Variants in KCNJ8 observed in about 807,000 individuals in gnomAD.
The protein encoded by KCNJ8 is ATP-sensitive inward rectifier potassium channel 8.
A neutral mutation model predicts 28.2 loss-of-function variants in KCNJ8; 13 were observed. The observed-to-expected ratio is 0.46, with a 90% CI of 0.30 to 0.73. KCNJ8 has a LOEUF of 0.73. Ranked by LOEUF, KCNJ8 falls within the 30% of genes least tolerant of loss-of-function variation. The pLI is 0.07. For synonymous variants in KCNJ8, 188 were observed against 195.9 expected (o/e 0.96, Z 0.34); for missense variants, 284 against 542.6 (o/e 0.52, Z 4.73).
At chr12:21,769,896 C>G (rs1012597081) in intron 2 of KCNJ8, among the ~76,000 whole-genome samples, 1 of 152,150 alleles carries the variant, frequency 6.6e-6, no homozygotes, top group African/African-American at 2.4e-5. Flanking sequence ...AAAGTGGTTT[C>G]TTGAGATGGA....
At chr12:21,771,829 T>A (rs1940762803) in intron 2 of KCNJ8, among the ~76,000 whole-genome samples, 1 of 152,202 alleles carries the variant, frequency 6.6e-6, no homozygotes, top group Non-Finnish European at 1.5e-5. Context: ...GATAATGATA[T>A]TTGATCTTAG....
At position 21,773,091 on chromosome 12, in the gene KCNJ8, G is replaced by A. The variant is rs1482535421; in HGVS notation, c.374+152C>T. On this transcript the variant is annotated intron_variant, in intron 2 of 2. Coordinates refer to ENST00000240662, the MANE Select transcript of KCNJ8 (RefSeq NM_004982.4). The surrounding 1 kb of genome is among the most constrained non-coding windows in gnomAD (Gnocchi z 4.6). ...TTAAAAAATACTTACTGTGTTAGGT[G>A]TTGTTCTTTATTGTGCTTTTTTGTT... is the stretch of plus-strand genomic sequence containing the variant. 1.9e-4 allele frequency: 168 copies of A among 869,748 alleles called. 1 individual carries two copies. 53.9% of individuals were successfully genotyped at this position (869,748 alleles called of 1,614,324 possible).
chr12:21,770,341 T>C (rs1358739993), intron 2 of KCNJ8, among the ~76,000 whole-genome samples: 1 of 152,192 alleles, frequency 6.6e-6, no homozygotes, highest in Non-Finnish European at 1.5e-5. Context: ...ACACACTTAC[T>C]AGATTACAAT....
In KCNJ8 at chr12:21,773,155, A is replaced by G. The variant is rs1940800009; in HGVS notation, c.374+88T>C. 6.9e-6 allele frequency: 10 copies of G among 1,452,680 alleles called. No individual in the cohort carries two copies. The highest frequency in any genetic ancestry group is 1.1e-5 in the South Asian group (1 of 87,104). 90.0% of individuals were successfully genotyped at this position (1,452,680 alleles called of 1,614,324 possible). On this transcript the variant is annotated intron_variant, in intron 2 of 2. Coordinates refer to ENST00000240662, the MANE Select transcript of KCNJ8 (RefSeq NM_004982.4). This position sits in a 1 kb window ranked among gnomAD's most constrained non-coding sequence, Gnocchi z 4.6. ...AAACAAACCCTTTATTTCACTTTCA[A>G]TTAAATAACAGAATGATAAGAGAAA...
At chr12:21,770,073 T>C (rs1940722853) in intron 2 of KCNJ8, among the ~76,000 whole-genome samples, 1 of 152,202 alleles carries the variant, frequency 6.6e-6, no homozygotes, top group African/African-American at 2.4e-5. Flanking sequence ...CATCACACAT[T>C]ACAGATAAAT....
chr12:21,765,705 C>T lies in KCNJ8; in HGVS notation c.*18G>A, dbSNP rs1565658551. The stretch of plus-strand genomic sequence containing the variant: ...CCGTCAAAACTTGATAAAAGACTGT[C>T]TTGGGGTTATCTTGCTGTCATGATT... On this transcript the variant is annotated 3_prime_UTR_variant, in exon 3 of 3. Coordinates refer to ENST00000240662, the MANE Select transcript of KCNJ8 (RefSeq NM_004982.4). 2 of 1,611,948 alleles carry T rather than the reference C, an allele frequency of 1.2e-6. No homozygotes were observed. Among genetic ancestry groups the T allele is most frequent in the Admixed American group, 1.7e-5 (1 of 60,016 alleles).
chr12:21,773,652 C>G lies in KCNJ8; in HGVS notation c.-36G>C, dbSNP rs1414405805. The G allele has an allele frequency of 6.2e-7, 1 of 1,607,796 alleles. No individual in the cohort carries two copies. The highest frequency in any genetic ancestry group is 8.5e-7 in the Non-Finnish European group (1 of 1,179,942). On this transcript the variant is annotated 5_prime_UTR_variant, in exon 2 of 3. Transcript: ENST00000240662. The surrounding 1 kb of genome is among the most constrained non-coding windows in gnomAD (Gnocchi z 4.6). ...CCATAGCCAGCTTAGCCACCTCCCT[C>G]TCACCTGCCTCTCCGTCCCTGGACA...
rs751846149 is a variant in KCNJ8 at position 21,773,641 on chromosome 12, G to A, written c.-25C>T. 1 of 1,609,582 alleles carries A rather than the reference G, an allele frequency of 6.2e-7. No individual in the cohort carries two copies. Among genetic ancestry groups the A allele is most frequent in the East Asian group, 2.2e-5 (1 of 44,882 alleles). On this transcript the variant is annotated 5_prime_UTR_variant, in exon 2 of 3. Transcript: ENST00000240662. The surrounding 1 kb of genome is among the most constrained non-coding windows in gnomAD (Gnocchi z 4.6). ...TCGTCCTGTCACCATAGCCAGCTTA[G>A]CCACCTCCCTCTCACCTGCCTCTCC...
chr12:21,773,661 C>T lies in KCNJ8; in HGVS notation c.-45G>A, dbSNP rs779412476. ...GCTTAGCCACCTCCCTCTCACCTGC[C>T]TCTCCGTCCCTGGACACCCGTCCTC... On this transcript the variant is annotated 5_prime_UTR_variant, in exon 2 of 3. Transcript: ENST00000240662. The surrounding 1 kb of genome is among the most constrained non-coding windows in gnomAD (Gnocchi z 4.6). 1 of 1,606,156 alleles carries T rather than the reference C, an allele frequency of 6.2e-7. No individual in the cohort carries two copies. The highest frequency in any genetic ancestry group is 8.5e-7 in the Non-Finnish European group (1 of 1,179,864).
At chr12:21,770,737 CACA>C (rs1263191513) in intron 2 of KCNJ8, among the ~76,000 whole-genome samples, 1 of 152,216 alleles carries the variant, frequency 6.6e-6, no homozygotes, top group Non-Finnish European at 1.5e-5. Flanking sequence ...CACTTAATTT[CACA>C]ACAAGTACTG....
At chr12:21,770,116 A>G (rs368817729) in intron 2 of KCNJ8, among the ~76,000 whole-genome samples, 2 of 152,304 alleles carry the variant, frequency 1.3e-5, no homozygotes, top group African/African-American at 4.8e-5. Context: ...TTGTTGCAGC[A>G]AACTCTTCAT....
At position 21,765,478 on chromosome 12, in the gene KCNJ8, C is replaced by G; in HGVS notation, c.*245G>C. The G allele has an allele frequency of 1.8e-6, 1 of 547,100 alleles. No individual in the cohort carries two copies. Among genetic ancestry groups the G allele is most frequent in the Non-Finnish European group, 3.3e-6 (1 of 304,310 alleles). 33.9% of individuals were successfully genotyped at this position (547,100 alleles called of 1,614,324 possible). On this transcript the variant is annotated 3_prime_UTR_variant, in exon 3 of 3. Transcript: ENST00000240662. ...TTGAGAGAAACGAGCATACCCACCC[C>G]TGCACATAACTTAAGTATATCACTG...
Position 21,773,693 on chromosome 12 carries a change from G to A in KCNJ8, c.-70-7C>T. 3.8e-6 allele frequency: 6 copies of A among 1,590,694 alleles called. No homozygotes were observed. Among genetic ancestry groups the A allele is most frequent in the Non-Finnish European group, 5.1e-6 (6 of 1,170,596 alleles). On this transcript the variant is annotated splice_region_variant and splice_polypyrimidine_tract_variant and intron_variant, in intron 1 of 2. Transcript: ENST00000240662. This position sits in a 1 kb window ranked among gnomAD's most constrained non-coding sequence, Gnocchi z 4.6. ...TCCCTGGACACCCGTCCTCCTGCAC[G>A]AGGGAAACATTTATTAAAAACTTAA...
rs780288269 is a variant in KCNJ8 at position 21,765,658 on chromosome 12, G to T, written c.*65C>A. 7.4e-7 allele frequency: 1 copy of T among 1,354,734 alleles called. No homozygotes were observed. The highest frequency in any genetic ancestry group is 1.1e-6 in the Non-Finnish European group (1 of 944,272). 83.9% of individuals were successfully genotyped at this position (1,354,734 alleles called of 1,614,324 possible). On this transcript the variant is annotated 3_prime_UTR_variant, in exon 3 of 3. Transcript: ENST00000240662. ...ATTATTGTGTTCCAGCTCTGGTTCA[G>T]TCTGGCAGTGCCCAGCATAAACCGT...
At position 21,773,538 on chromosome 12, in the gene KCNJ8, T is replaced by A; in HGVS notation, c.79A>T (p.Ile27Phe). ...IAAENLRKPRIRDRLPKARFI... is the reference protein window; with the variant it reads ...IAAENLRKPRFRDRLPKARFI... Reference sequence around the variant, plus strand: ...CGGGCTTTGGGGAGGCGGTCTCGGATGCGCGGCTTGCGCAGGTTCTCTGCG... The same window carrying A: ...CGGGCTTTGGGGAGGCGGTCTCGGAAGCGCGGCTTGCGCAGGTTCTCTGCG... The change falls in exon 2 of 3, where the codon ATC (isoleucine) becomes TTC (phenylalanine). Residue 27 changes from isoleucine (I) to phenylalanine (F), a missense_variant. Physicochemically the swap from Ile to Phe is conservative, Grantham distance 21. This residue lies in a region of KCNJ8 where 54 missense variants were observed against 77.5 expected (regional missense o/e 0.70). Coordinates refer to ENST00000240662, the MANE Select transcript of KCNJ8 (RefSeq NM_004982.4). This position sits in a 1 kb window ranked among gnomAD's most constrained non-coding sequence, Gnocchi z 4.6. 6.2e-7 allele frequency: 1 copy of A among 1,614,214 alleles called. No homozygotes were observed. Among genetic ancestry groups the A allele is most frequent in the Non-Finnish European group, 8.5e-7 (1 of 1,180,030 alleles).
In KCNJ8 at chr12:21,766,653, C is replaced by A. The variant is rs1471455684; in HGVS notation, c.375-30G>T. The A allele has an allele frequency of 1.3e-6, 2 of 1,523,732 alleles. No individual in the cohort carries two copies. Among genetic ancestry groups the A allele is most frequent in the South Asian group, 1.1e-5 (1 of 88,524 alleles). The allele number at this position is 1,523,732 out of a possible 1,614,324, so 94.4% of individuals were successfully genotyped here. ...GAGGAATGATATCAGAAAAGAACAC[C>A]ATCAGGTCACATTTTGAATAATGAA... On this transcript the variant is annotated intron_variant, in intron 2 of 2. Transcript: ENST00000240662. This position sits in a 1 kb window ranked among gnomAD's most constrained non-coding sequence, Gnocchi z 6.5.
At chr12:21,767,282 T>G (rs1010454705) in intron 2 of KCNJ8, among the ~76,000 whole-genome samples, 2 of 150,486 alleles carry the variant, frequency 1.3e-5, no homozygotes, top group African/African-American at 4.9e-5. Context: ...ATTGATGATC[T>G]AATTTTGTTA....
intron 2 of KCNJ8, among the ~76,000 whole-genome samples, chr12:21,772,505 G>C (rs768130798): frequency 2.0e-5 from 3 of 152,186 alleles, no homozygotes; most frequent in Non-Finnish European, 4.4e-5. Context: ...AGAAGCCAAA[G>C]TTAGGTAATC....
chr12:21,765,558 TACTTTTTATTACTACAG>T lies in KCNJ8; in HGVS notation c.*148_*164del. The T allele has an allele frequency of 1.5e-6, 1 of 680,094 alleles. No homozygotes were observed. The highest frequency in any genetic ancestry group is 1.7e-5 in the South Asian group (1 of 58,490). The allele number at this position is 680,094 out of a possible 1,614,324, so 42.1% of individuals were successfully genotyped here. On this transcript the variant is annotated 3_prime_UTR_variant, in exon 3 of 3. Transcript: ENST00000240662. ...GCCATGAATCCTCCACTTGGTGTGTTACTTTTTATTACTACAGAAAGTGCTGTTGCTTGAATATGAAT... is the reference window on the plus strand; with the variant it reads ...GCCATGAATCCTCCACTTGGTGTGTTAAAGTGCTGTTGCTTGAATATGAAT...
Sources: gnomAD v4.1 joint callset for allele counts (sites outside exome capture counted in the v4.1 genomes callset) on GRCh38, gnomAD v4.1.1 for gene constraint, gnomAD v4.1.1 regional missense constraint, Gnocchi (gnomAD v3.1) non-coding constraint, MANE v1.5 for transcripts, NCBI Gene and HGNC (gene_info 2026-07-23, HGNC 2026-07-21) for gene names.